The following ZAP70 variants were observed in gnomAD, a reference collection of about 807,000 sequenced individuals.
ZAP70 encodes the protein tyrosine-protein kinase ZAP-70.
ZAP70 carries 27 observed loss-of-function variants against 65.8 expected under a neutral mutation model. The observed-to-expected ratio is 0.41, with a 90% confidence interval of 0.30 to 0.57. The LOEUF (loss-of-function observed/expected upper bound fraction) is 0.57, where lower values mean the gene tolerates loss of function less well. Among genes scored for constraint, ZAP70 ranks in the 20% least tolerant of loss-of-function variants. ZAP70 has a pLI of 0.28. For missense variants in ZAP70, 696 were observed against 870.5 expected (o/e 0.80, Z 2.52); for synonymous variants, 363 against 360.8 (o/e 1.01, Z -0.07).
chr2:97,753,426 G>A, the ZAP70 span, among the ~76,000 whole-genome samples: 3 of 152,274 alleles, frequency 2.0e-5, no homozygotes, highest in African/African-American at 7.2e-5. Context: ...GGAAAATGCC[G>A]TGATTCCACT....
At chr2:97,755,202 C>T in the ZAP70 span, among the ~76,000 whole-genome samples, 11 of 152,170 alleles carry the variant, frequency 7.2e-5, no homozygotes, top group Admixed American at 5.9e-4. Flanking sequence ...CGTACCGAGA[C>T]TCGCCTCGTG....
At chr2:97,734,149 G>A (rs1230665704) in intron 8 of ZAP70, 6 of 311,138 alleles carry the variant, frequency 1.9e-5, no homozygotes, top group South Asian at 4.9e-5. Context: ...CTAGAGGCTC[G>A]CTTTTGGAGG....
intron 2 of ZAP70, among the ~76,000 whole-genome samples, chr2:97,717,293 G>A (rs1319906431): frequency 2.0e-5 from 3 of 151,874 alleles, no homozygotes; most frequent in Non-Finnish European, 4.4e-5. Flanking sequence ...AGGGGCTGGG[G>A]CCCTGCTCCT....
At chr2:97,727,314 T>C (rs568538022) in intron 4 of ZAP70, among the ~76,000 whole-genome samples, 10 of 152,362 alleles carry the variant, frequency 6.6e-5, no homozygotes, top group South Asian at 2.1e-4. Context: ...CGTGAAGGTA[T>C]GGGCATTGTG....
intron 3 of ZAP70, chr2:97,724,670 A>G (rs902260642): frequency 2.0e-6 from 3 of 1,525,576 alleles, no homozygotes; most frequent in Middle Eastern, 1.7e-4. Context: ...GTGCTCTACT[A>G]TGCCAGATGG....
At chr2:97,756,306 T>C in the ZAP70 span, 1 of 152,174 alleles carries the variant, frequency 6.6e-6, no homozygotes, top group East Asian at 1.9e-4. Flanking sequence ...TAAATACACC[T>C]TGTGTGTAAA....
intron 9 of ZAP70, 26 bp from the exon 10 acceptor site, chr2:97,735,224 G>A (rs199771138): frequency 6.2e-7 from 1 of 1,613,298 alleles, no homozygotes; most frequent in South Asian, 1.1e-5. Flanking sequence ...CCTCGCCCAC[G>A]TGCCTCCCGT....
At chr2:97,738,583 A>G (rs969165586) in intron 13 of ZAP70, 6 of 236,808 alleles carry the variant, frequency 2.5e-5, no homozygotes, top group Non-Finnish European at 5.1e-5. Context: ...ACCTTCAGAC[A>G]TCTCAACTCC....
Position 97,733,035 on chromosome 2 carries a change from G to A in ZAP70, c.702+14G>A. Reference sequence around the variant, plus strand: ...ACGCTCTGGCAGGTAGGCTGCCCGTGCAACTTGTTCTGGGAGATGCCGTGC... The same window carrying A: ...ACGCTCTGGCAGGTAGGCTGCCCGTACAACTTGTTCTGGGAGATGCCGTGC... On this transcript the variant is annotated intron_variant, in intron 5 of 13. Coordinates refer to ENST00000264972, the MANE Select transcript of ZAP70 (RefSeq NM_001079.4). The A allele has an allele frequency of 6.2e-7, 1 of 1,614,094 alleles. No homozygotes were observed. Among genetic ancestry groups the A allele is most frequent in the Non-Finnish European group, 8.5e-7 (1 of 1,180,038 alleles).
the ZAP70 span, among the ~76,000 whole-genome samples, chr2:97,747,815 G>GTTTTTTTTTTTTTTT: frequency 1.5e-4 from 8 of 54,796 alleles, no homozygotes; most frequent in Admixed American, 2.5e-4. Context: ...CTGGCACGAG[G>GTTTTTTTTTTTTTTT]TTTTTTTTTT....
rs1044669364 is a variant in ZAP70, at chr2:97,739,737, C to T, written c.*239C>T. 4.8e-6 allele frequency: 3 copies of T among 618,684 alleles called. No homozygotes were observed. Among genetic ancestry groups the T allele is most frequent in the Admixed American group, 3.0e-5 (1 of 33,234 alleles). 38.3% of individuals were successfully genotyped at this position (618,684 alleles called of 1,614,324 possible). A position where few individuals can be genotyped will look rare whatever the true frequency, so the allele number is the denominator to read the frequency against. On this transcript the variant is annotated 3_prime_UTR_variant, in exon 14 of 14. Coordinates refer to ENST00000264972, the MANE Select transcript of ZAP70 (RefSeq NM_001079.4). ...GCAGCCTGTCCTGGGCTGGTGGCTC[C>T]CGGAGGGCCCTGAGCTGAGGGCATT...
In ZAP70 at chr2:97,739,419, G is replaced by A. The variant is rs55803111; in HGVS notation, c.1781G>A (p.Arg594Gln). The change falls in exon 14 of 14, where the codon CGA becomes CAA. Residue 594 changes from arginine (R) to glutamine (Q), a missense_variant. Physicochemically the swap from Arg to Gln is conservative, Grantham distance 43. Around this residue, in one of 3 missense-constraint regions of ZAP70, gnomAD observed 78 missense variants for 88.6 expected, o/e 0.88. Transcript: ENST00000264972. Reference sequence around the variant, plus strand: ...TTCCTGACCGTGGAGCAGCGCATGCGAGCCTGTTACTACAGCCTGGCCAGC... The same window carrying A: ...TTCCTGACCGTGGAGCAGCGCATGCAAGCCTGTTACTACAGCCTGGCCAGC... Reference protein sequence around the residue: ...PDFLTVEQRMRACYYSLASKV... With the variant: ...PDFLTVEQRMQACYYSLASKV... The A allele has an allele frequency of 5.0e-6, 8 of 1,613,752 alleles. No individual in the cohort carries two copies. The highest frequency in any genetic ancestry group is 1.7e-5 in the Admixed American group (1 of 60,030).
At chr2:97,741,213 A>T (rs971168380), downstream of ZAP70, among the ~76,000 whole-genome samples, 4 of 152,136 alleles carry the variant, frequency 2.6e-5, no homozygotes, top group Non-Finnish European at 4.4e-5. Flanking sequence ...TGCAAGCCCC[A>T]TCTCAGTTTC....
At chr2:97,753,982 CCA>C in the ZAP70 span, among the ~76,000 whole-genome samples, 5 of 152,006 alleles carry the variant, frequency 3.3e-5, no homozygotes, top group African/African-American at 4.8e-5. Flanking sequence ...AGAGCAAGAC[CCA>C]GTCTCAAAAT....
intron 2 of ZAP70, among the ~76,000 whole-genome samples, chr2:97,714,741 G>A (rs1676840802): frequency 6.6e-6 from 1 of 152,190 alleles, no homozygotes; most frequent in Non-Finnish European, 1.5e-5. Context: ...GTTTAATAAT[G>A]CCTTGCTGAG....
chr2:97,729,680 G>T (rs1677524323), intron 4 of ZAP70, among the ~76,000 whole-genome samples: 1 of 151,056 alleles, frequency 6.6e-6, no homozygotes. Context: ...TGGCTTAAGT[G>T]CAAGTTCCAA....
At position 97,731,201 on chromosome 2, in the gene ZAP70, T is replaced by C. The variant is rs1677589557; in HGVS notation, c.564-1682T>C. Among the ~76,000 whole-genome samples, 2 of 152,158 alleles carry C rather than the reference T, an allele frequency of 1.3e-5. No homozygotes were observed. Among genetic ancestry groups the C allele is most frequent in the African/African-American group, 2.4e-5 (1 of 41,434 alleles). On this transcript the variant is annotated intron_variant, in intron 4 of 13. Coordinates refer to ENST00000264972, the MANE Select transcript of ZAP70 (RefSeq NM_001079.4). This position sits in a 1 kb window ranked among gnomAD's most constrained non-coding sequence, Gnocchi z 4.0. The stretch of plus-strand genomic sequence containing the variant: ...AGGTGTTTTCACTTCTCACAGTCCC[T>C]GGAGACCATCACCTCCAGGCCAGCC...
rs1387210308 is a variant in ZAP70 at position 97,724,510 on chromosome 2, G to C, written c.402+72G>C. The C allele has an allele frequency of 2.6e-6, 4 of 1,514,448 alleles. No homozygotes were observed. In the East Asian group the frequency reaches 7.3e-5, roughly 28 times the overall value. The allele number at this position is 1,514,448 out of a possible 1,614,324, so 93.8% of individuals were successfully genotyped here. On this transcript the variant is annotated intron_variant, in intron 3 of 13. Transcript: ENST00000264972. ...GAGGGGCAGTCGAGGGTTTTGGGGG[G>C]ATAGGAGGGAGGAAAAGGTCGTCTT...
chr2:97,733,955 G>C (rs1268467304), intron 8 of ZAP70: 1 of 386,866 alleles, frequency 2.6e-6, no homozygotes, highest in African/African-American at 2.0e-5. Context: ...TCACTTTACA[G>C]ATGAGAGAGG....
Sources: gnomAD v4.1 joint callset for allele counts (sites outside exome capture counted in the v4.1 genomes callset) on GRCh38, gnomAD v4.1.1 for gene constraint, gnomAD v4.1.1 regional missense constraint, Gnocchi (gnomAD v3.1) non-coding constraint, MANE v1.5 for transcripts, NCBI Gene and HGNC (gene_info 2026-07-23, HGNC 2026-07-21) for gene names.